Variants in TNS2 observed in about 807,000 individuals in gnomAD.
The protein encoded by TNS2 is tensin-2.
TNS2 carries 77 observed loss-of-function variants against 155.7 expected under a neutral mutation model. The observed-to-expected ratio is 0.49, with a 90% CI of 0.41 to 0.60. The LOEUF (loss-of-function observed/expected upper bound fraction) is 0.60. Ranked by LOEUF, TNS2 falls within the 20% of genes least tolerant of loss-of-function variation. TNS2 has a pLI of 0.00. For missense variants in TNS2, 1,703 were observed against 1,868.8 expected (o/e 0.91, Z 1.64); for synonymous variants, 726 against 763.9 (o/e 0.95, Z 0.82).
At chr12:53,061,655 A>G (rs1944388531) in intron 21 of TNS2, 160 bp from the exon 22 acceptor site, 1 of 1,387,742 alleles carries the variant, frequency 7.2e-7, no homozygotes, top group Admixed American at 2.4e-5. Context: ...CATGGTCAAA[A>G]CCCCTGTGAA....
Position 53,060,680 on chromosome 12 carries a change from G to A in TNS2, c.2774G>A (p.Arg925Gln), listed in dbSNP as rs770975832. The change falls in exon 20 of 29, where the codon CGG becomes CAG. Residue 925 changes from arginine to glutamine, a missense_variant. By Grantham distance (43) the Arg-to-Gln change is conservative (BLOSUM62 1). Transcript: ENST00000314250. The surrounding 1 kb of genome is among the most constrained non-coding windows in gnomAD (Gnocchi z 6.1). Reference sequence around the variant, plus strand: ...TCTGCCCTTCCACCCTACAGCACCCGGCGACAGGACACCAGGTCCCCCACC... The same window carrying A: ...TCTGCCCTTCCACCCTACAGCACCCAGCGACAGGACACCAGGTCCCCCACC... ...SSPVQGKEST[R>Q]RQDTRSPTSA... The A allele has an allele frequency of 1.3e-5, 20 of 1,579,538 alleles. No individual in the cohort carries two copies. Among genetic ancestry groups the A allele is most frequent in the Admixed American group, 3.4e-5 (2 of 58,592 alleles).
intron 13 of TNS2, 67 bp downstream of exon 13, chr12:53,057,900 C>T: frequency 6.2e-7 from 1 of 1,610,988 alleles, no homozygotes; most frequent in Non-Finnish European, 8.5e-7. Flanking sequence ...TGCATTCCTG[C>T]TTCTCCAGCC....
rs1452528524 is a variant in TNS2, at chr12:53,064,371, T to C, written c.*489T>C. On this transcript the variant is annotated 3_prime_UTR_variant, in exon 29 of 29. Transcript: ENST00000314250. ...AATAATAAAGAATTTCTATAAACTT[T>C]AGCCGAAATTGGAGTCAACACTTAT... 1 of 155,720 alleles carries C rather than the reference T, an allele frequency of 6.4e-6. No homozygotes were observed. Among genetic ancestry groups the C allele is most frequent in the African/African-American group, 2.4e-5 (1 of 41,472 alleles). The allele number at this position is 155,720 out of a possible 1,614,324, so 9.6% of individuals were successfully genotyped here.
At position 53,059,693 on chromosome 12, in the gene TNS2, G is replaced by A. The variant is rs747424499; in HGVS notation, c.2052G>A (p.Leu684=). The A allele has an allele frequency of 1.9e-6, 3 of 1,613,192 alleles. No individual in the cohort carries two copies. In the African/African-American group the frequency reaches 4.0e-5, roughly 21 times the overall value. The change falls in exon 18 of 29, where the codon CTG becomes CTA. Residue 684 remains leucine, a synonymous_variant. Transcript: ENST00000314250. The surrounding 1 kb of genome is among the most constrained non-coding windows in gnomAD (Gnocchi z 4.7). ...REVVILEDPG[L]PALYPCPACE... The stretch of plus-strand genomic sequence containing the variant: ...TGGTCATCCTGGAGGACCCTGGGCT[G>A]CCTGCCCTATACCCATGCCCAGCCT...
Position 53,058,093 on chromosome 12 carries a change from C to T in TNS2, c.1086C>T (p.Gly362=), listed in dbSNP as rs151036307. The part of the protein sequence containing the change: ...ISLEPALLLK[G]DVMVTCYHKG... ...TGGAGCCAGCCCTCCTCCTCAAAGG[C>T]GATGTCATGGTGAGGGGGGTCCTGT... The change falls in exon 14 of 29, where the codon GGC becomes GGT. Residue 362 remains glycine (G), a synonymous_variant. Transcript: ENST00000314250. 4,267 of 1,614,150 alleles carry T rather than the reference C, an allele frequency of 2.6e-3. 31 individuals are homozygous for T. The highest frequency in any genetic ancestry group is 2.1e-3 in the Non-Finnish European group (2,522 of 1,180,030).
At position 53,062,956 on chromosome 12, in the gene TNS2, G is replaced by C. The variant is rs984533559; in HGVS notation, c.3824-133G>C. On this transcript the variant is annotated intron_variant, in intron 25 of 28. Transcript: ENST00000314250. ...TGACTGTAGATCCAGTAGAGTCATG[G>C]AATCTGCCTTTTTAACAAGTCACCT... 5 of 1,229,572 alleles carry C rather than the reference G, an allele frequency of 4.1e-6. No individual in the cohort carries two copies. The African/African-American group carries it at 7.6e-5, about 19-fold the overall frequency. The allele number at this position is 1,229,572 out of a possible 1,614,324, so 76.2% of individuals were successfully genotyped here. A position where few individuals can be genotyped will look rare whatever the true frequency, so the allele number is the denominator to read the frequency against.
At position 53,054,029 on chromosome 12, in the gene TNS2, T is replaced by A. The variant is rs754217469; in HGVS notation, c.350+15T>A. On this transcript the variant is annotated intron_variant, in intron 6 of 28. Transcript: ENST00000314250. Reference sequence around the variant, plus strand: ...ACTCTGCCCAGGTAAGTGAGGGTGCTGGGGTGGTCCCACGTGACCCCCTTT... The same window carrying A: ...ACTCTGCCCAGGTAAGTGAGGGTGCAGGGGTGGTCCCACGTGACCCCCTTT... 34 of 1,613,962 alleles carry A rather than the reference T, an allele frequency of 2.1e-5. No homozygotes were observed. Among genetic ancestry groups the A allele is most frequent in the Non-Finnish European group, 2.8e-5 (33 of 1,180,036 alleles).
Position 53,060,608 on chromosome 12 carries a change from G to GA in TNS2, c.2768+55dup. ...GTGCTTTCTTGTCCAAGCAGTTGAT[G>GA]AAGGCAGGTGGGGTGGGAGCAGCCA... On this transcript the variant is annotated intron_variant, in intron 19 of 28. Coordinates refer to ENST00000314250, the MANE Select transcript of TNS2 (RefSeq NM_170754.4). The surrounding 1 kb of genome is among the most constrained non-coding windows in gnomAD (Gnocchi z 6.1). 1.9e-6 allele frequency: 3 copies of GA among 1,597,792 alleles called. No individual in the cohort carries two copies. Among genetic ancestry groups the GA allele is most frequent in the Non-Finnish European group, 2.6e-6 (3 of 1,170,516 alleles).
At chr12:53,047,478 A>AGGGCGCGGGGCGCG (rs540859660), upstream of TNS2, among the ~76,000 whole-genome samples, 666 of 144,500 alleles carry the variant, frequency 4.6e-3, 3 homozygotes, top group African/African-American at 0.014. Flanking sequence ...GGAGGTCGAG[A>AGGGCGCGGGGCGCG]GGGCGCGGGG....
In TNS2 at chr12:53,063,043, C is replaced by T; in HGVS notation, c.3824-46C>T. ...AATGTGCAAGAGCTGGTGGGGGTGG[C>T]TAGGGGATGGGCACTCCCTCCCTGA... is the stretch of plus-strand genomic sequence containing the variant. On this transcript the variant is annotated intron_variant, in intron 25 of 28. Transcript: ENST00000314250. The surrounding 1 kb of genome is among the most constrained non-coding windows in gnomAD (Gnocchi z 5.6). 1 of 1,505,472 alleles carries T rather than the reference C, an allele frequency of 6.6e-7. No homozygotes were observed. The allele number at this position is 1,505,472 out of a possible 1,614,324, so 93.3% of individuals were successfully genotyped here.
intron 15 of TNS2, 34 bp downstream of exon 15, chr12:53,058,479 CCAGGTGGCAGGCAGGTGGCAGG>C (rs66607805): frequency 1.2e-5 from 20 of 1,611,906 alleles, no homozygotes; most frequent in African/African-American, 5.4e-5. Context: ...GGGCTGGAGT[CCAGGTGGCAGGCAGGTGGCAGG>C]CAGGTGGCAG....
In TNS2 at chr12:53,058,751, C is replaced by T. The variant is rs902419675; in HGVS notation, c.1329C>T (p.Asp443=). The T allele has an allele frequency of 1.2e-6, 2 of 1,613,930 alleles. No homozygotes were observed. The highest frequency in any genetic ancestry group is 2.7e-5 in the African/African-American group (2 of 74,902). ...GGAACGACCCCTCGGTCTCTGTCGACTACAACACCACTGAGCCAGCCGTGC... is the reference window on the plus strand; with the variant it reads ...GGAACGACCCCTCGGTCTCTGTCGATTACAACACCACTGAGCCAGCCGTGC... ...TPRNDPSVSV[D]YNTTEPAVRW... is the part of the protein sequence containing the mutation. Residue 443 remains aspartate (D), a synonymous_variant, in exon 17 of 29, where the codon GAC becomes GAT. Coordinates refer to ENST00000314250, the MANE Select transcript of TNS2 (RefSeq NM_170754.4).
At chr12:53,052,119 G>A in intron 2 of TNS2, 156 bp downstream of exon 2, 1 of 658,872 alleles carries the variant, frequency 1.5e-6, no homozygotes. Context: ...CCTTCAGATG[G>A]CCCTGGCTCC....
rs1289509590 is a variant in TNS2 at position 53,058,310 on chromosome 12, T to C, written c.1096-6T>C. The C allele has an allele frequency of 1.2e-6, 2 of 1,613,970 alleles. No homozygotes were observed. Among genetic ancestry groups the C allele is most frequent in the South Asian group, 1.1e-5 (1 of 91,072 alleles). ...CCTGATCCGCAGCCTCCTGCCTTTC[T>C]CCCAGGTAACATGTTATCACAAGGG... is the stretch of plus-strand genomic sequence containing the variant. On this transcript the variant is annotated splice_polypyrimidine_tract_variant and splice_region_variant and intron_variant, in intron 14 of 28. Transcript: ENST00000314250.
rs769195882 is a variant in TNS2, at chr12:53,061,418, G to T, written c.3397G>T (p.Val1133Phe). The T allele has an allele frequency of 3.7e-6, 6 of 1,614,016 alleles. No homozygotes were observed. The highest frequency in any genetic ancestry group is 5.1e-6 in the Non-Finnish European group (6 of 1,180,004). Residue 1133 changes from valine (V) to phenylalanine (F), a missense_variant, in exon 21 of 29, where the codon GTC becomes TTC. Coordinates refer to ENST00000314250, the MANE Select transcript of TNS2 (RefSeq NM_170754.4). ...AGAGAGCCAAAGCAATGTCAAGTTT[G>T]TCCAGGATACATCCAAGTTCTGGTA... ...TQESQSNVKFVQDTSKFWYKP... is the reference protein window; with the variant it reads ...TQESQSNVKFFQDTSKFWYKP...
At chr12:53,054,953 G>A (rs11170387) in intron 7 of TNS2, among the ~76,000 whole-genome samples, 1 of 149,126 alleles carries the variant, frequency 6.7e-6, no homozygotes, top group Non-Finnish European at 1.5e-5. Context: ...CCGGCAAATT[G>A]TTGTAATTTT....
rs777095765 is a variant in TNS2, at chr12:53,060,173, G to A, written c.2532G>A (p.Leu844=). The part of the protein sequence containing the change: ...GSPPYPQSRK[L]SYEIPTEEGG... ...CGCCCTATCCACAATCTAGGAAGCT[G>A]AGCTACGAGATCCCTACGGAGGAGG... The change falls in exon 18 of 29, where the codon CTG becomes CTA. Residue 844 remains leucine, a synonymous_variant. Coordinates refer to ENST00000314250, the MANE Select transcript of TNS2 (RefSeq NM_170754.4). This position sits in a 1 kb window ranked among gnomAD's most constrained non-coding sequence, Gnocchi z 6.1. 2.5e-6 allele frequency: 4 copies of A among 1,604,554 alleles called. No homozygotes were observed. Among genetic ancestry groups the A allele is most frequent in the Middle Eastern group, 1.7e-4 (1 of 6,038 alleles).
At chr12:53,062,349 G>C in intron 23 of TNS2, 27 bp from the exon 24 acceptor site, 19 of 1,613,550 alleles carry the variant, frequency 1.2e-5, no homozygotes, top group Non-Finnish European at 1.6e-5. Flanking sequence ...TGGGCATCTC[G>C]GGACTTTCCT....
chr12:53,052,369 C>G, intron 2 of TNS2, 86 bp from the exon 3 acceptor site: 1 of 1,562,288 alleles, frequency 6.4e-7, no homozygotes, highest in South Asian at 1.1e-5. Flanking sequence ...GGGTCTGGTT[C>G]CAGGGTCTGG....
Sources: gnomAD v4.1 joint callset for allele counts (sites outside exome capture counted in the v4.1 genomes callset) on GRCh38, gnomAD v4.1.1 for gene constraint, Gnocchi (gnomAD v3.1) non-coding constraint, MANE v1.5 for transcripts, NCBI Gene and HGNC (gene_info 2026-07-23, HGNC 2026-07-21) for gene names.